Variants in DDC observed in about 807,000 individuals in gnomAD.
The protein encoded by DDC is aromatic-L-amino-acid decarboxylase.
A neutral mutation model predicts 60.0 loss-of-function variants in DDC; 43 were observed. The observed-to-expected ratio is 0.72, with a 90% CI of 0.56 to 0.92. The LOEUF (loss-of-function observed/expected upper bound fraction) is 0.92, where lower values mean the gene tolerates loss of function less well. DDC is among the 40% of genes least tolerant of loss of function. The probability of loss-of-function intolerance (pLI) is 0.00; values close to 1 mark genes in which losing one functional copy is unlikely to be tolerated. For synonymous variants in DDC, 232 were observed against 234.6 expected (o/e 0.99, Z 0.10); for missense variants, 573 against 620.2 (o/e 0.92, Z 0.81).
At chr7:50,545,384 T>G (rs976246082) in intron 1 of DDC, among the ~76,000 whole-genome samples, 6 of 152,200 alleles carry the variant, frequency 3.9e-5, no homozygotes, top group African/African-American at 1.4e-4. Context: ...AACAGGACAG[T>G]GAACAACACA....
intron 1 of DDC, among the ~76,000 whole-genome samples, chr7:50,545,144 A>G (rs534431727): frequency 6.6e-6 from 1 of 152,346 alleles, no homozygotes; most frequent in South Asian, 2.1e-4. Context: ...TGTTTACATT[A>G]TGAGAGCTGA....
intron 2 of DDC, chr7:50,542,345 C>A (rs2153549865): frequency 6.6e-6 from 1 of 152,300 alleles, no homozygotes; most frequent in East Asian, 1.9e-4. Flanking sequence ...GCCCATGTGC[C>A]TTTGTCTCTC....
intron 11 of DDC, among the ~76,000 whole-genome samples, chr7:50,471,832 A>G (rs1204152023): frequency 6.6e-6 from 1 of 152,020 alleles, no homozygotes; most frequent in Non-Finnish European, 1.5e-5. Flanking sequence ...TTATCCCACC[A>G]CTAGCTGACT....
intron 1 of DDC, among the ~76,000 whole-genome samples, chr7:50,549,796 T>C (rs2044928506): frequency 6.6e-6 from 1 of 152,092 alleles, no homozygotes; most frequent in Non-Finnish European, 1.5e-5. Flanking sequence ...TCACTGCAGA[T>C]ATGGTGGAAA....
At chr7:50,536,885 G>T (rs1351759253) in intron 4 of DDC, among the ~76,000 whole-genome samples, 3 of 152,164 alleles carry the variant, frequency 2.0e-5, no homozygotes, top group African/African-American at 7.2e-5. Context: ...CCAATTCTCA[G>T]AGCCTTGTGA....
intron 3 of DDC, among the ~76,000 whole-genome samples, chr7:50,539,412 A>G (rs961619467): frequency 1.3e-5 from 2 of 152,080 alleles, no homozygotes; most frequent in Non-Finnish European, 2.9e-5. Context: ...ATAGGGTGGG[A>G]CTGGTGGTTT....
At chr7:50,558,168 A>G (rs1281442468) in intron 1 of DDC, among the ~76,000 whole-genome samples, 3 of 151,638 alleles carry the variant, frequency 2.0e-5, no homozygotes, top group Non-Finnish European at 4.4e-5. Flanking sequence ...AGAGATCATA[A>G]CCATCTGCCT....
chr7:50,530,033 G>A (rs759256634), intron 4 of DDC, among the ~76,000 whole-genome samples: 42 of 152,040 alleles, frequency 2.8e-4, no homozygotes, highest in African/African-American at 9.7e-4. Context: ...GAGGAGGGTC[G>A]ATCACTTGAG....
chr7:50,561,201 C>G (rs2045339339), intron 1 of DDC: 1 of 152,244 alleles, frequency 6.6e-6, no homozygotes, highest in Non-Finnish European at 1.5e-5. Flanking sequence ...CTCCTGCCCC[C>G]ACTCTGCCCC....
chr7:50,532,759 G>A (rs2044259697), intron 4 of DDC, among the ~76,000 whole-genome samples: 2 of 152,166 alleles, frequency 1.3e-5, no homozygotes, highest in South Asian at 2.1e-4. Context: ...TTTTTTTGAG[G>A]AGTATATAAT....
At chr7:50,493,100 C>T in intron 9 of DDC, 1 of 1,011,124 alleles carries the variant, frequency 9.9e-7, no homozygotes, top group Non-Finnish European at 1.5e-6. Flanking sequence ...TGGTCCCTGA[C>T]CGCTTCAGTT....
intron 8 of DDC, 89 bp downstream of exon 8, chr7:50,499,059 A>C: frequency 1.4e-4 from 148 of 1,044,196 alleles, no homozygotes; most frequent in Non-Finnish European, 1.8e-4. Context: ...CTCAATAGCA[A>C]GAGACTGGAC....
intron 1 of DDC, among the ~76,000 whole-genome samples, chr7:50,552,358 A>G (rs945980274): frequency 1.3e-5 from 2 of 152,190 alleles, no homozygotes; most frequent in Non-Finnish European, 2.9e-5. Flanking sequence ...GCAGCTGCAC[A>G]CGACACTATT....
At chr7:50,551,054 A>G (rs1182042300) in intron 1 of DDC, among the ~76,000 whole-genome samples, 1 of 152,160 alleles carries the variant, frequency 6.6e-6, no homozygotes, top group African/African-American at 2.4e-5. Flanking sequence ...AAAGGAGAAC[A>G]CTTATTTTAT....
At chr7:50,541,665 C>T (rs1390190379) in intron 2 of DDC, among the ~76,000 whole-genome samples, 4 of 152,168 alleles carry the variant, frequency 2.6e-5, no homozygotes, top group African/African-American at 7.2e-5. Context: ...ATATCTTGAT[C>T]TCAGACTTCC....
chr7:50,543,785 A>G (rs1266247209), intron 2 of DDC, 100 bp downstream of exon 2: 9 of 1,193,232 alleles, frequency 7.5e-6, no homozygotes, highest in Non-Finnish European at 9.9e-6. Flanking sequence ...CCTGACTGCC[A>G]TAGGGATTCC....
chr7:50,539,689 T>C (rs1014317199), intron 3 of DDC: 1 of 535,616 alleles, frequency 1.9e-6, no homozygotes, highest in Admixed American at 2.7e-5. Context: ...CAACACAGCC[T>C]GTGCAGAATG....
At chr7:50,534,818 T>C (rs1384113254) in intron 4 of DDC, among the ~76,000 whole-genome samples, 1 of 152,192 alleles carries the variant, frequency 6.6e-6, no homozygotes, top group African/African-American at 2.4e-5. Context: ...GCTGCTGCCC[T>C]CTGTCCCCTG....
chr7:50,509,696 G>A (rs1484291782), intron 6 of DDC, among the ~76,000 whole-genome samples: 1 of 152,166 alleles, frequency 6.6e-6, no homozygotes, highest in African/African-American at 2.4e-5. Context: ...CTTAGTGCCT[G>A]TATTACTTGG....
Sources: allele counts gnomAD v4.1 joint callset (sites outside exome capture counted in the v4.1 genomes callset), GRCh38; gene constraint gnomAD v4.1.1; transcripts MANE v1.5; gene names NCBI Gene and HGNC (gene_info 2026-07-23, HGNC 2026-07-21).